The following ERC2 variants were observed in gnomAD, a reference collection of about 807,000 sequenced individuals.
The protein encoded by ERC2 is ERC protein 2.
Under a neutral mutation model 114.8 loss-of-function variants are expected in ERC2, and 42 were observed. The observed-to-expected ratio is 0.37, with a 90% confidence interval of 0.29 to 0.47. The LOEUF (loss-of-function observed/expected upper bound fraction) is 0.47, where lower values mean the gene tolerates loss of function less well. Ranked by LOEUF, ERC2 falls within the 20% of genes least tolerant of loss-of-function variation. The probability of loss-of-function intolerance (pLI) is 0.99; values close to 1 mark genes in which losing one functional copy is unlikely to be tolerated. For missense variants in ERC2, 939 were observed against 1,150.7 expected (o/e 0.82, Z 2.66); for synonymous variants, 454 against 425.5 (o/e 1.07, Z -0.82).
chr3:56,194,207 T>C (rs2047956512), intron 3 of ERC2, among the ~76,000 whole-genome samples: 1 of 152,064 alleles, frequency 6.6e-6, no homozygotes, highest in Non-Finnish European at 1.5e-5. Context: ...AAACAGTATG[T>C]GTTGAGTTGA....
chr3:56,108,673 A>T (rs2078797736), intron 6 of ERC2, among the ~76,000 whole-genome samples: 1 of 152,180 alleles, frequency 6.6e-6, no homozygotes, highest in African/African-American at 2.4e-5. Context: ...GATTGAATGT[A>T]CCCTATAGAT....
intron 3 of ERC2, among the ~76,000 whole-genome samples, chr3:56,259,317 A>C (rs2052750646): frequency 6.6e-6 from 1 of 152,126 alleles, no homozygotes; most frequent in Non-Finnish European, 1.5e-5. Context: ...TCTCAAATGT[A>C]ATCTTTCACA....
chr3:55,912,611 T>A (rs947877031), intron 13 of ERC2, among the ~76,000 whole-genome samples: 3 of 152,184 alleles, frequency 2.0e-5, no homozygotes, highest in Non-Finnish European at 4.4e-5. Context: ...AAATTAAATG[T>A]ACATATACAC....
chr3:55,950,872 G>A (rs2067452863), intron 12 of ERC2, among the ~76,000 whole-genome samples: 1 of 152,168 alleles, frequency 6.6e-6, no homozygotes, highest in African/African-American at 2.4e-5. Flanking sequence ...AACGTTGAAG[G>A]AAACAAATAG....
intron 2 of ERC2, among the ~76,000 whole-genome samples, chr3:56,417,254 G>C (rs137889272): frequency 2.6e-5 from 4 of 152,220 alleles, no homozygotes; most frequent in Non-Finnish European, 2.9e-5. Context: ...GTGTTTACTG[G>C]GAAATCACCC....
chr3:56,266,619 G>A lies in ERC2; in HGVS notation c.1074+29400C>T, dbSNP rs181845861. ...ATTAGCAAAAAACAAGAGGTAGCCA[G>A]GTGAGGTGGCACATGCCTTTAGTCC... is the stretch of plus-strand genomic sequence containing the variant. On this transcript the variant is annotated intron_variant, in intron 3 of 17. Transcript: ENST00000288221. Among the ~76,000 whole-genome samples the A allele has an allele frequency of 1.2e-4, 19 of 152,312 alleles. No individual in the cohort carries two copies. In the East Asian group the frequency reaches 3.7e-3, roughly 29 times the overall value.
At position 55,978,800 on chromosome 3, in the gene ERC2, G is replaced by C. The variant is rs561653946; in HGVS notation, c.2267+7177C>G. On this transcript the variant is annotated intron_variant, in intron 12 of 17. Transcript: ENST00000288221. ...GTCTATTTAGTTTTCTACACTGAAT[G>C]TTCTAACAATAGATAATGTCTTGAA... 5.9e-5 allele frequency among the ~76,000 whole-genome samples: 9 copies of C among 152,306 alleles called. No homozygotes were observed. In the South Asian group the frequency reaches 1.9e-3, roughly 32 times the overall value.
At chr3:55,785,471 T>G (rs911384029) in intron 14 of ERC2, among the ~76,000 whole-genome samples, 1 of 152,208 alleles carries the variant, frequency 6.6e-6, no homozygotes, top group East Asian at 1.9e-4. Context: ...CCATGGGCAA[T>G]AGGTGGTTAT....
At chr3:55,922,825 A>G (rs183868991) in intron 13 of ERC2, among the ~76,000 whole-genome samples, 90 of 152,312 alleles carry the variant, frequency 5.9e-4, no homozygotes, top group African/African-American at 2.1e-3. Context: ...AAGATGCTCA[A>G]CATCACCAGA....
intron 6 of ERC2, among the ~76,000 whole-genome samples, chr3:56,111,794 T>A (rs1382531531): frequency 5.9e-5 from 9 of 152,212 alleles, no homozygotes; most frequent in African/African-American, 2.2e-4. Flanking sequence ...AAAGTTCCAA[T>A]GACTGTTTTT....
intron 1 of ERC2, among the ~76,000 whole-genome samples, chr3:56,453,098 T>C (rs918768542): frequency 6.6e-6 from 1 of 152,236 alleles, no homozygotes; most frequent in African/African-American, 2.4e-5. Flanking sequence ...AATTGCATCA[T>C]GTGTTCAACA....
rs1457106671 is a variant in ERC2 at position 56,075,568 on chromosome 3, T to C, written c.1641+5249A>G. Among the ~76,000 whole-genome samples the C allele has an allele frequency of 2.0e-5, 3 of 152,304 alleles. No individual in the cohort carries two copies. In the East Asian group the frequency reaches 5.8e-4, roughly 29 times the overall value. On this transcript the variant is annotated intron_variant, in intron 7 of 17. Transcript: ENST00000288221. The stretch of plus-strand genomic sequence containing the variant: ...ATCAAGTGATTTCCTTCTGGTAACG[T>C]GCCATATGTTGTTCTCCACTGCACT...
At chr3:56,254,132 G>T (rs1454111868) in intron 3 of ERC2, among the ~76,000 whole-genome samples, 3 of 152,238 alleles carry the variant, frequency 2.0e-5, no homozygotes, top group African/African-American at 7.2e-5. Flanking sequence ...CTTTGCACCA[G>T]AGAGCTGGCT....
chr3:56,121,581 G>A (rs562502072), intron 6 of ERC2, among the ~76,000 whole-genome samples: 1 of 152,108 alleles, frequency 6.6e-6, no homozygotes, highest in South Asian at 2.1e-4. Flanking sequence ...AAAAGTCCAG[G>A]CATTCTGTGC....
intron 6 of ERC2, among the ~76,000 whole-genome samples, chr3:56,086,831 A>G (rs1198492975): frequency 6.6e-6 from 1 of 152,168 alleles, no homozygotes; most frequent in Admixed American, 6.5e-5. Flanking sequence ...TGAAGTCTAG[A>G]TTATACTCCA....
rs868587086 is a variant in ERC2, at chr3:55,964,759, C to G, written c.2268-14199G>C. On this transcript the variant is annotated intron_variant, in intron 12 of 17. Coordinates refer to ENST00000288221, the MANE Select transcript of ERC2 (RefSeq NM_015576.3). ...GTGTCAGCCAGACTGCAATTCTCAT[C>G]TGCAGGCTTAACCGGGGAATAATGT... Among the ~76,000 whole-genome samples the G allele has an allele frequency of 4.6e-5, 7 of 152,334 alleles. 2 individuals are homozygous for G. The South Asian group carries it at 1.4e-3, about 32-fold the overall frequency.
chr3:56,062,357 A>C (rs1047937733), intron 7 of ERC2, among the ~76,000 whole-genome samples: 5 of 152,152 alleles, frequency 3.3e-5, no homozygotes, highest in African/African-American at 4.8e-5. Flanking sequence ...GGGGATCTGA[A>C]GCTTATCAGG....
intron 3 of ERC2, among the ~76,000 whole-genome samples, chr3:56,229,542 T>C (rs143585547): frequency 2.1e-3 from 316 of 152,292 alleles, no homozygotes; most frequent in Non-Finnish European, 3.7e-3. Flanking sequence ...AAGTACAAAG[T>C]CTGAAGGGGT....
intron 6 of ERC2, among the ~76,000 whole-genome samples, chr3:56,086,319 C>A (rs547671146): frequency 2.6e-5 from 4 of 152,116 alleles, no homozygotes; most frequent in South Asian, 2.1e-4. Context: ...CTCAAACACC[C>A]AAATTCAACA....
Sources: gnomAD v4.1 joint callset for allele counts (sites outside exome capture counted in the v4.1 genomes callset) on GRCh38, gnomAD v4.1.1 for gene constraint, MANE v1.5 for transcripts, NCBI Gene and HGNC (gene_info 2026-07-23, HGNC 2026-07-21) for gene names.